Variants in PPHLN1 observed in about 807,000 individuals in gnomAD.
PPHLN1 encodes periphilin-1.
A neutral mutation model predicts 51.3 loss-of-function variants in PPHLN1; 29 were observed. The observed-to-expected ratio is 0.57, with a 90% confidence interval of 0.42 to 0.77. PPHLN1 has a LOEUF of 0.77. PPHLN1 is among the 30% of genes least tolerant of loss of function. PPHLN1 has a pLI of 0.00. For missense variants in PPHLN1, 436 were observed against 438.4 expected, an observed-to-expected ratio of 0.99 and a Z score of 0.05; for synonymous variants, 147 against 147.8, an observed-to-expected ratio of 0.99 and a Z score of 0.04.
At chr12:42,431,717 G>T in intron 9 of PPHLN1, 1 of 1,083,288 alleles carries the variant, frequency 9.2e-7, no homozygotes, top group Non-Finnish European at 1.4e-6. Flanking sequence ...CTTCTTTTAA[G>T]GTATTAATCT....
At position 42,399,007 on chromosome 12, in the gene PPHLN1, T is replaced by C. The variant is rs200627065; in HGVS notation, c.909+13T>C. On this transcript the variant is annotated intron_variant, in intron 9 of 9. Coordinates refer to ENST00000358314, the MANE Select transcript of PPHLN1 (RefSeq NM_201439.2). Reference sequence around the variant, plus strand: ...AGAGATTGAACAGGTGAGAGTCTAGTTGTCTTCATGTACATAATTTTTGTT... The same window carrying C: ...AGAGATTGAACAGGTGAGAGTCTAGCTGTCTTCATGTACATAATTTTTGTT... 1.2e-5 allele frequency: 19 copies of C among 1,611,618 alleles called. No homozygotes were observed.
intron 4 of PPHLN1, among the ~76,000 whole-genome samples, chr12:42,365,921 A>G (rs888299982): frequency 1.1e-4 from 16 of 152,312 alleles, no homozygotes; most frequent in African/African-American, 3.8e-4. Context: ...AATGCATTGT[A>G]TCATATATGT....
At chr12:42,377,749 A>C (rs2076393831) in intron 5 of PPHLN1, among the ~76,000 whole-genome samples, 1 of 152,196 alleles carries the variant, frequency 6.6e-6, no homozygotes. Flanking sequence ...TCTTACTTGA[A>C]AGCTTGTAAT....
chr12:42,387,336 TAATGA>T, intron 6 of PPHLN1, 115 bp from the exon 7 acceptor site: 1 of 1,022,746 alleles, frequency 9.8e-7, no homozygotes. Flanking sequence ...TGTAATAATG[TAATGA>T]AAAGTTTTAG....
chr12:42,357,203 A>G (rs1038418235), intron 4 of PPHLN1, among the ~76,000 whole-genome samples: 1 of 152,172 alleles, frequency 6.6e-6, no homozygotes, highest in Non-Finnish European at 1.5e-5. Flanking sequence ...GTTCTCCTCA[A>G]ATTAAGGTGG....
chr12:42,400,036 T>C (rs146882430), intron 9 of PPHLN1: 17 of 152,254 alleles, frequency 1.1e-4, no homozygotes, highest in African/African-American at 3.8e-4. Context: ...TACTGTCCTT[T>C]TTTTTCTTGA....
At chr12:42,394,981 A>T (rs1210276506) in intron 8 of PPHLN1, among the ~76,000 whole-genome samples, 10 of 152,112 alleles carry the variant, frequency 6.6e-5, no homozygotes. Flanking sequence ...ACAAGGCTTT[A>T]TTAATTTATG....
At chr12:42,359,845 C>T (rs1156284284) in intron 4 of PPHLN1, among the ~76,000 whole-genome samples, 3 of 151,966 alleles carry the variant, frequency 2.0e-5, no homozygotes, top group Admixed American at 6.6e-5. Flanking sequence ...TGATGGCTCA[C>T]GCCTGTAATC....
intron 9 of PPHLN1, among the ~76,000 whole-genome samples, chr12:42,415,901 GCTTT>G (rs1170403035): frequency 1.3e-5 from 2 of 152,212 alleles, no homozygotes; most frequent in African/African-American, 4.8e-5. Flanking sequence ...CTTATTTATT[GCTTT>G]CTAATATGCT....
At chr12:42,412,522 A>G (rs1391733001) in intron 9 of PPHLN1, among the ~76,000 whole-genome samples, 5 of 152,060 alleles carry the variant, frequency 3.3e-5, no homozygotes, top group Non-Finnish European at 2.9e-5. Flanking sequence ...TATCTTTGCA[A>G]TTGTGAATTG....
intron 9 of PPHLN1, among the ~76,000 whole-genome samples, chr12:42,412,632 GGA>G (rs1491199193): frequency 3.3e-5 from 5 of 151,466 alleles, no homozygotes; most frequent in Admixed American, 3.3e-4. Context: ...CTTTTCCTTT[GGA>G]TAGATATACA....
intron 9 of PPHLN1, among the ~76,000 whole-genome samples, chr12:42,425,038 TTATGTATGTATG>T (rs71435906): frequency 8.7e-4 from 119 of 136,962 alleles, no homozygotes; most frequent in Middle Eastern, 7.2e-3. Flanking sequence ...TTATTTTATT[TTATGTATGTATG>T]TATGTATGTA....
intron 2 of PPHLN1, among the ~76,000 whole-genome samples, chr12:42,340,936 A>G (rs1320148119): frequency 2.6e-5 from 4 of 152,052 alleles, no homozygotes; most frequent in African/African-American, 7.2e-5. Context: ...TTCTTTATCA[A>G]AAAACAATTT....
In PPHLN1 at chr12:42,335,034, A is replaced by G. The variant is rs111361186; in HGVS notation, c.-20-849A>G. On this transcript the variant is annotated intron_variant, in intron 1 of 9. Coordinates refer to ENST00000358314, the MANE Select transcript of PPHLN1 (RefSeq NM_201439.2). ...CTGATTTATAGTATTGCCATTTCATATAAATGGTCTCTTTTCCCCTACCCT... is the reference window on the plus strand; with the variant it reads ...CTGATTTATAGTATTGCCATTTCATGTAAATGGTCTCTTTTCCCCTACCCT... Among the ~76,000 whole-genome samples the G allele has an allele frequency of 3.7e-3, 567 of 152,314 alleles. 4 individuals are homozygous for G. Among genetic ancestry groups the G allele is most frequent in the African/African-American group, 0.013 (532 of 41,566 alleles).
At chr12:42,395,169 C>CT (rs1293257714) in intron 8 of PPHLN1, among the ~76,000 whole-genome samples, 1 of 151,724 alleles carries the variant, frequency 6.6e-6, no homozygotes. Flanking sequence ...TTTTAAACAT[C>CT]TTTTTTTTCC....
chr12:42,402,206 T>G (rs2078908266), intron 9 of PPHLN1, among the ~76,000 whole-genome samples: 1 of 152,170 alleles, frequency 6.6e-6, no homozygotes, highest in Non-Finnish European at 1.5e-5. Context: ...GATTGATTAT[T>G]TTGGTGTTCT....
chr12:42,375,175 CTT>C lies in PPHLN1; in HGVS notation c.511+105_511+106del, dbSNP rs2076149535. The C allele has an allele frequency of 4.2e-5, 42 of 992,058 alleles. 1 individual carries two copies. In the South Asian group the frequency reaches 8.1e-4, roughly 19 times the overall value. 61.5% of individuals were successfully genotyped at this position (992,058 alleles called of 1,614,324 possible). A position where few individuals can be genotyped will look rare whatever the true frequency, so the allele number is the denominator to read the frequency against. On this transcript the variant is annotated intron_variant, in intron 5 of 9. Transcript: ENST00000358314. ...AGGTGTAAGAGATTTATTTTTTAAA[CTT>C]TTTATTTTGAAAAATTTCAAACTTA...
intron 9 of PPHLN1, among the ~76,000 whole-genome samples, chr12:42,430,103 T>C (rs977848405): frequency 6.6e-6 from 1 of 152,156 alleles, no homozygotes; most frequent in African/African-American, 2.4e-5. Flanking sequence ...ACCATGTGTT[T>C]AGAGAGTTGG....
chr12:42,442,687 T>A (rs148353465), downstream of PPHLN1: 11 of 1,614,004 alleles, frequency 6.8e-6, no homozygotes, highest in African/African-American at 1.5e-4. Context: ...TGAGGAACAC[T>A]GAAATGGATC....
Sources: allele counts gnomAD v4.1 joint callset (sites outside exome capture counted in the v4.1 genomes callset), GRCh38; gene constraint gnomAD v4.1.1; transcripts MANE v1.5; gene names NCBI Gene and HGNC (gene_info 2026-07-23, HGNC 2026-07-21).